RP1: variants seen among roughly 807,000 people sequenced by gnomAD.
RP1 encodes oxygen-regulated protein 1.
RP1 carries 16 observed loss-of-function variants against 14.8 expected under a neutral mutation model. The ratio of observed to expected loss-of-function variants is 1.08; its 90% CI spans 0.73 to 1.65. The LOEUF (loss-of-function observed/expected upper bound fraction) is 1.65. RP1 is among the 40% of genes most tolerant of loss of function. RP1 has a pLI of 0.00. For synonymous variants in RP1, 876 were observed against 883.6 expected, an observed-to-expected ratio of 0.99 and a Z score of 0.15; for missense variants, 2,631 against 2,535.0, an observed-to-expected ratio of 1.04 and a Z score of -0.81.
chr8:54,685,536 C>A (rs1807543286), intron 12 of RP1, among the ~76,000 whole-genome samples: 1 of 152,116 alleles, frequency 6.6e-6, no homozygotes, highest in Admixed American at 6.6e-5. Flanking sequence ...GATTTCAGTT[C>A]TTTTGCATTT....
At chr8:54,666,782 G>A (rs2129330845) in intron 7 of RP1, among the ~76,000 whole-genome samples, 1 of 151,840 alleles carries the variant, frequency 6.6e-6, no homozygotes, top group South Asian at 2.1e-4. Flanking sequence ...TAGGGGTATG[G>A]CTGCCTGTTT....
chr8:54,602,036 T>C (rs1195314354), intron 1 of RP1, among the ~76,000 whole-genome samples: 2 of 152,192 alleles, frequency 1.3e-5, no homozygotes, highest in African/African-American at 4.8e-5. Context: ...CACTGAATCA[T>C]CCATTTTTTT....
chr8:54,687,826 A>T (rs1307922159), intron 12 of RP1, among the ~76,000 whole-genome samples: 1 of 152,214 alleles, frequency 6.6e-6, no homozygotes, highest in Admixed American at 6.5e-5. Context: ...GTATATGCCC[A>T]GGAATGGGAT....
intron 1 of RP1, among the ~76,000 whole-genome samples, chr8:54,583,166 T>C (rs1342138404): frequency 6.6e-6 from 1 of 152,248 alleles, no homozygotes; most frequent in Non-Finnish European, 1.5e-5. Context: ...TATTTTGAGA[T>C]ACGTCCTATC....
intron 7 of RP1, among the ~76,000 whole-genome samples, chr8:54,669,474 C>T (rs542256186): frequency 1.3e-3 from 199 of 152,306 alleles, no homozygotes; most frequent in African/African-American, 4.6e-3. Context: ...TGTGGCGATT[C>T]CTCAAGGATC....
intron 25 of RP1, among the ~76,000 whole-genome samples, chr8:54,845,052 G>A (rs1208724481): frequency 6.6e-6 from 1 of 152,212 alleles, no homozygotes; most frequent in East Asian, 1.9e-4. Context: ...TCTGGGAAGC[G>A]AAATTCTATT....
At chr8:54,823,074 G>T (rs1032770228) in intron 24 of RP1, among the ~76,000 whole-genome samples, 8 of 151,944 alleles carry the variant, frequency 5.3e-5, no homozygotes, top group Admixed American at 5.2e-4. Context: ...ATAGTTCTAC[G>T]TTGTTTTATC....
chr8:54,673,935 C>T lies in RP1; in HGVS notation c.1402+7C>T, dbSNP rs77213466. On this transcript the variant is annotated splice_region_variant and intron_variant, in intron 8 of 22. Transcript: ENST00000636932. ...CATGATGGACTTGGCCCAGGTAAGA[C>T]TCTTCCACAGAGAGTTCATGAAGGT... 16,490 of 1,531,858 alleles carry T rather than the reference C, an allele frequency of 0.011. 1,113 individuals are homozygous for T. The East Asian group carries it at 0.17, about 16-fold the overall frequency. The allele number at this position is 1,531,858 out of a possible 1,614,324, so 94.9% of individuals were successfully genotyped here. A position where few individuals can be genotyped will look rare whatever the true frequency, so the allele number is the denominator to read the frequency against.
rs1806043771 is a variant in RP1 at position 54,626,248 on chromosome 8, C to T, written c.2366C>T (p.Ala789Val). 1 of 1,613,044 alleles carries T rather than the reference C, an allele frequency of 6.2e-7. No homozygotes were observed. Among genetic ancestry groups the T allele is most frequent in the Non-Finnish European group, 8.5e-7 (1 of 1,179,584 alleles). The change falls in exon 4 of 4, where the codon GCA (alanine) becomes GTA (valine). Residue 789 changes from alanine (A) to valine (V), a missense_variant. Coordinates refer to ENST00000220676, the MANE Select transcript of RP1 (RefSeq NM_006269.2). ...SRSLNKISLGAPKKREIGQRD... is the reference protein window; with the variant it reads ...SRSLNKISLGVPKKREIGQRD... Reference sequence around the variant, plus strand: ...TCACTAAATAAAATAAGCTTAGGAGCACCTAAAAAAAGAGAAATCGGTCAA... The same window carrying T: ...TCACTAAATAAAATAAGCTTAGGAGTACCTAAAAAAAGAGAAATCGGTCAA...
At chr8:54,697,768 C>A (rs1258740447) in intron 12 of RP1, among the ~76,000 whole-genome samples, 1 of 152,144 alleles carries the variant, frequency 6.6e-6, no homozygotes, top group East Asian at 1.9e-4. Context: ...TTTGACAAAC[C>A]TGACAAAAAC....
At chr8:54,800,879 A>T (rs984357545) in intron 24 of RP1, among the ~76,000 whole-genome samples, 3 of 152,136 alleles carry the variant, frequency 2.0e-5, no homozygotes, top group Non-Finnish European at 4.4e-5. Flanking sequence ...GACTATTCAG[A>T]TTGTGGTTTC....
intron 24 of RP1, among the ~76,000 whole-genome samples, chr8:54,827,286 C>T (rs1257839219): frequency 3.3e-5 from 5 of 151,910 alleles, no homozygotes; most frequent in African/African-American, 1.2e-4. Context: ...GCTTGAAACA[C>T]AAACACATTG....
At chr8:54,672,550 C>T (rs1288288067) in intron 7 of RP1, among the ~76,000 whole-genome samples, 3 of 152,102 alleles carry the variant, frequency 2.0e-5, no homozygotes, top group Non-Finnish European at 4.4e-5. Context: ...TTAGTGTCTC[C>T]GTGTGTAAAT....
intron 12 of RP1, among the ~76,000 whole-genome samples, chr8:54,694,827 T>TTC (rs79948718): frequency 2.6e-3 from 358 of 137,104 alleles, no homozygotes; most frequent in South Asian, 3.7e-3. Context: ...CCTTCAGTTC[T>TTC]TCTCTGATTT....
intron 18 of RP1, among the ~76,000 whole-genome samples, chr8:54,736,768 TA>T (rs1188367244): frequency 6.6e-6 from 1 of 152,164 alleles, no homozygotes; most frequent in Non-Finnish European, 1.5e-5. Context: ...GGGATCTTGT[TA>T]AACACACAGA....
At chr8:54,828,732 G>A (rs910138769) in intron 24 of RP1, among the ~76,000 whole-genome samples, 4 of 152,010 alleles carry the variant, frequency 2.6e-5, no homozygotes, top group African/African-American at 9.7e-5. Context: ...TTGCAGTGCA[G>A]TAGGCTTGTT....
intron 27 of RP1, among the ~76,000 whole-genome samples, chr8:54,858,906 A>G (rs1812270675): frequency 6.6e-6 from 1 of 151,450 alleles, no homozygotes. Flanking sequence ...GAGTGTCACC[A>G]TAGAGTGGCT....
chr8:54,649,091 A>T (rs1203148197), exon 4 of RP1: 5 of 1,530,530 alleles, frequency 3.3e-6, no homozygotes, highest in Non-Finnish European at 4.4e-6. Context: ...CAGCCCCCAT[A>T]TATCTTTATG....
chr8:54,864,964 C>T (rs909050817), intron 27 of RP1, among the ~76,000 whole-genome samples: 1 of 152,122 alleles, frequency 6.6e-6, no homozygotes, highest in African/African-American at 2.4e-5. Flanking sequence ...TTTATGATAT[C>T]TTCCTACTTA....
Sources: gnomAD v4.1 joint callset for allele counts (sites outside exome capture counted in the v4.1 genomes callset) on GRCh38, gnomAD v4.1.1 for gene constraint, MANE v1.5 for transcripts, NCBI Gene and HGNC (gene_info 2026-07-23, HGNC 2026-07-21) for gene names.